Variants in TTC38 observed in about 807,000 individuals in gnomAD.
TTC38 encodes the protein tetratricopeptide repeat protein 38.
Under a neutral mutation model 64.2 loss-of-function variants are expected in TTC38, and 64 were observed. The ratio of observed to expected loss-of-function variants is 1.00; its 90% CI spans 0.81 to 1.23. The LOEUF (loss-of-function observed/expected upper bound fraction) is 1.23. Among genes scored for constraint, TTC38 ranks in the 50% most tolerant of loss-of-function variants. TTC38 has a pLI of 0.00. For synonymous variants in TTC38, 254 were observed against 249.3 expected (o/e 1.02, Z -0.18); for missense variants, 573 against 615.5 (o/e 0.93, Z 0.73).
chr22:46,284,011 G>A lies in TTC38; in HGVS notation c.774G>A (p.Trp258Ter), dbSNP rs2077554015. The change falls in exon 8 of 14, where the codon TGG becomes TGA. Residue 258 changes from tryptophan to a stop codon, truncating the protein, a stop_gained. Coordinates refer to ENST00000381031, the MANE Select transcript of TTC38 (RefSeq NM_017931.4). LOFTEE classifies it high-confidence loss of function. ...TGGCTTGTCATAACTATTGGCACTG[G>A]GCTTTATATCTGATTGAGAAGGTAA... ...DMLACHNYWH[W>*]ALYLIEKGEY... is the part of the protein sequence containing the mutation. The A allele has an allele frequency of 1.9e-6, 3 of 1,609,310 alleles. No homozygotes were observed. The highest frequency in any genetic ancestry group is 2.5e-6 in the Non-Finnish European group (3 of 1,179,212).
chr22:46,275,254 T>C lies in TTC38; in HGVS notation c.372T>C (p.Phe124=). The C allele has an allele frequency of 1.9e-6, 3 of 1,612,918 alleles. No homozygotes were observed. The highest frequency in any genetic ancestry group is 2.5e-6 in the Non-Finnish European group (3 of 1,179,686). ...AATCTTTCTCGGTTTCCAGGAACTT[T>C]CCGAAAGCCTGTGAACTATGGGAAC... ...SAVETFANGN[F]PKACELWEQI... The change falls in exon 5 of 14, where the codon TTT becomes TTC. Residue 124 remains phenylalanine (F), a synonymous_variant. Transcript: ENST00000381031. The surrounding 1 kb of genome is among the most constrained non-coding windows in gnomAD (Gnocchi z 4.5).
At position 46,292,840 on chromosome 22, in the gene TTC38, G is replaced by T; in HGVS notation, c.1366G>T (p.Glu456Ter). ...CTTGAAGCCCAACTCGCCCCTGACC[G>T]AGCGGCTCATCCGCAAGGCAGCTAC... ...DALKPNSPLT[E>*]RLIRKAATVH... Residue 456 changes from glutamate to a stop codon, truncating the protein, a stop_gained, in exon 14 of 14, where the codon GAG (glutamate) becomes TAG (stop). Coordinates refer to ENST00000381031, the MANE Select transcript of TTC38 (RefSeq NM_017931.4). LOFTEE classifies it high-confidence loss of function. The surrounding 1 kb of genome is among the most constrained non-coding windows in gnomAD (Gnocchi z 6.5). 6.2e-7 allele frequency: 1 copy of T among 1,613,988 alleles called. No individual in the cohort carries two copies.
At chr22:46,268,141 G>C in intron 1 of TTC38, 69 bp downstream of exon 1, 1 of 1,484,282 alleles carries the variant, frequency 6.7e-7, no homozygotes, top group Non-Finnish European at 9.0e-7. Context: ...CGGTGCTGGC[G>C]GAATAACGGG....
rs1171684860 is a variant in TTC38, at chr22:46,285,248, A to G, written c.803A>G (p.Tyr268Cys). 1 of 1,614,074 alleles carries G rather than the reference A, an allele frequency of 6.2e-7. No individual in the cohort carries two copies. The highest frequency in any genetic ancestry group is 8.5e-7 in the Non-Finnish European group (1 of 1,180,038). The change falls in exon 9 of 14, where the codon TAT becomes TGT. Residue 268 changes from tyrosine to cysteine, a missense_variant. Around this residue, in one of 3 missense-constraint regions of TTC38, gnomAD observed 371 missense variants for 381.8 expected, o/e 0.97. Coordinates refer to ENST00000381031, the MANE Select transcript of TTC38 (RefSeq NM_017931.4). Reference sequence around the variant, plus strand: ...AGAACTTTATTCTTCCAGGGCGAATATGAGGCCGCGCTGACCATCTACGAT... The same window carrying G: ...AGAACTTTATTCTTCCAGGGCGAATGTGAGGCCGCGCTGACCATCTACGAT... ...WALYLIEKGE[Y>C]EAALTIYDTH...
In TTC38 at chr22:46,289,447, GC is replaced by G. The variant is rs776998514; in HGVS notation, c.1129del (p.Leu377CysfsTer46). On this transcript the variant is annotated frameshift_variant, in exon 12 of 14. Coordinates refer to ENST00000381031, the MANE Select transcript of TTC38 (RefSeq NM_017931.4). LOFTEE classifies it high-confidence loss of function. ...CQHLLARDVG[L>X]PLCQALVEAE... is the part of the protein sequence containing the mutation. ...AGCACCTCCTGGCCCGAGACGTGGG[GC>G]TGCCCCTGTGCCAGGCCCTGGTGGA... is the stretch of plus-strand genomic sequence containing the variant. 1.9e-6 allele frequency: 3 copies of G among 1,609,480 alleles called. No individual in the cohort carries two copies. Among genetic ancestry groups the G allele is most frequent in the Non-Finnish European group, 2.5e-6 (3 of 1,179,760 alleles).
At position 46,292,345 on chromosome 22, in the gene TTC38, A is replaced by G. The variant is rs959842920; in HGVS notation, c.1317-446A>G. The stretch of plus-strand genomic sequence containing the variant: ...ATTACAGGGGTGAGCCACCACACCT[A>G]TCTCTTCTTATAAGGGCACTAATCC... On this transcript the variant is annotated intron_variant, in intron 13 of 13. Transcript: ENST00000381031. This position sits in a 1 kb window ranked among gnomAD's most constrained non-coding sequence, Gnocchi z 6.5. The G allele has an allele frequency of 2.3e-5, 8 of 340,810 alleles. No homozygotes were observed. Among genetic ancestry groups the G allele is most frequent in the African/African-American group, 1.5e-4 (7 of 46,524 alleles). 21.1% of individuals were successfully genotyped at this position (340,810 alleles called of 1,614,324 possible). A position where few individuals can be genotyped will look rare whatever the true frequency, so the allele number is the denominator to read the frequency against.
rs115703876 is a variant in TTC38, at chr22:46,291,553, C to A, written c.1317-1238C>A. ...TTCCACCCACAGCCATGGTGCCCCC[C>A]ACAATGAGTTCCCGGCCCCAGCCCC... On this transcript the variant is annotated intron_variant, in intron 13 of 13. Coordinates refer to ENST00000381031, the MANE Select transcript of TTC38 (RefSeq NM_017931.4). This position sits in a 1 kb window ranked among gnomAD's most constrained non-coding sequence, Gnocchi z 4.6. 0.012 allele frequency among the ~76,000 whole-genome samples: 1,788 copies of A among 152,316 alleles called. 42 individuals are homozygous for A. The highest frequency in any genetic ancestry group is 0.041 in the African/African-American group (1,694 of 41,558).
chr22:46,275,571 C>A lies in TTC38; in HGVS notation c.539+150C>A. On this transcript the variant is annotated intron_variant, in intron 5 of 13. Coordinates refer to ENST00000381031, the MANE Select transcript of TTC38 (RefSeq NM_017931.4). This position sits in a 1 kb window ranked among gnomAD's most constrained non-coding sequence, Gnocchi z 4.5. ...CCTTAAAGTTCAAAGGCCTCATTTT[C>A]TTCACTTGATTTTCATCCCACCTGT... is the stretch of plus-strand genomic sequence containing the variant. 1.3e-6 allele frequency: 1 copy of A among 741,178 alleles called. No individual in the cohort carries two copies. Among genetic ancestry groups the A allele is most frequent in the Non-Finnish European group, 2.1e-6 (1 of 466,700 alleles). The allele number at this position is 741,178 out of a possible 1,614,324, so 45.9% of individuals were successfully genotyped here.
intron 2 of TTC38, 125 bp downstream of exon 2, chr22:46,268,716 G>A (rs1049618634): frequency 2.4e-5 from 23 of 947,270 alleles, no homozygotes; most frequent in Non-Finnish European, 3.2e-5. Flanking sequence ...GCGGAGTCTC[G>A]CTCTGTCGCC....
intron 13 of TTC38, 96 bp downstream of exon 13, chr22:46,289,995 A>G: frequency 9.1e-7 from 1 of 1,097,770 alleles, no homozygotes; most frequent in East Asian, 2.4e-5. Context: ...TTGGCCCGAG[A>G]TGCTCCTGCT....
intron 8 of TTC38, 28 bp downstream of exon 8, chr22:46,284,060 T>C (rs1183951433): frequency 6.3e-7 from 1 of 1,582,224 alleles, no homozygotes; most frequent in South Asian, 1.1e-5. Flanking sequence ...TTGCACTGTC[T>C]TATCCTATAA....
At chr22:46,269,908 T>C (rs1936857277) in intron 2 of TTC38, among the ~76,000 whole-genome samples, 1 of 152,218 alleles carries the variant, frequency 6.6e-6, no homozygotes. Flanking sequence ...TTGCCCTGCC[T>C]CAGCCTCCGA....
intron 10 of TTC38, 56 bp from the exon 11 acceptor site, chr22:46,288,367 C>T (rs940999684): frequency 1.7e-4 from 257 of 1,550,676 alleles, no homozygotes; most frequent in Non-Finnish European, 2.1e-4. Flanking sequence ...GGCCCTTGCA[C>T]GGGACATGCC....
intron 2 of TTC38, chr22:46,269,092 C>T (rs535436938): frequency 7.2e-6 from 3 of 418,134 alleles, no homozygotes; most frequent in Non-Finnish European, 1.5e-5. Context: ...ATCTCTGCCC[C>T]CCCCCCACAG....
At chr22:46,280,373 T>C in intron 6 of TTC38, 1 of 348,322 alleles carries the variant, frequency 2.9e-6, no homozygotes, top group South Asian at 2.1e-5. Flanking sequence ...TGCTGGGCCT[T>C]GTAGCCTGGG....
At position 46,292,779 on chromosome 22, in the gene TTC38, C is replaced by A; in HGVS notation, c.1317-12C>A. On this transcript the variant is annotated splice_polypyrimidine_tract_variant and intron_variant, in intron 13 of 13. Transcript: ENST00000381031. This position sits in a 1 kb window ranked among gnomAD's most constrained non-coding sequence, Gnocchi z 6.5. ...AGGTTCTGTAACAGGACCTCTGTGT[C>A]TGTTTCCACAGGAGCCTTCTGATGG... is the stretch of plus-strand genomic sequence containing the variant. 6.2e-7 allele frequency: 1 copy of A among 1,611,602 alleles called. No individual in the cohort carries two copies. Among genetic ancestry groups the A allele is most frequent in the Non-Finnish European group, 8.5e-7 (1 of 1,177,826 alleles).
At chr22:46,289,337 G>C in intron 11 of TTC38, 65 bp from the exon 12 acceptor site, 2 of 1,561,870 alleles carry the variant, frequency 1.3e-6, no homozygotes, top group African/African-American at 1.3e-5. Flanking sequence ...AGGAAGAAAT[G>C]GCTCTGCCCT....
rs762109062 is a variant in TTC38, at chr22:46,272,360, G to A, written c.137G>A (p.Ser46Asn). The change falls in exon 3 of 14, where the codon AGT (serine) becomes AAT (asparagine). Residue 46 changes from serine to asparagine, a missense_variant. Coordinates refer to ENST00000381031, the MANE Select transcript of TTC38 (RefSeq NM_017931.4). The surrounding 1 kb of genome is among the most constrained non-coding windows in gnomAD (Gnocchi z 6.4). ...TQYVKWTNDK[S>N]LGGIEGCLSK... ...TATGTAAAATGGACCAATGACAAGA[G>A]TCTCGGTGGCATCGAGGGCTGCCTG... 1 of 1,613,978 alleles carries A rather than the reference G, an allele frequency of 6.2e-7. No homozygotes were observed. The highest frequency in any genetic ancestry group is 8.5e-7 in the Non-Finnish European group (1 of 1,179,954).
At chr22:46,280,623 C>T (rs888305708) in intron 6 of TTC38, among the ~76,000 whole-genome samples, 7 of 152,266 alleles carry the variant, frequency 4.6e-5, no homozygotes, top group Non-Finnish European at 1.0e-4. Context: ...GACACACTTT[C>T]TTTCCCTCTG....
Sources: allele counts gnomAD v4.1 joint callset (sites outside exome capture counted in the v4.1 genomes callset), GRCh38; gene constraint gnomAD v4.1.1; regional missense constraint gnomAD v4.1.1; non-coding constraint Gnocchi (gnomAD v3.1); transcripts MANE v1.5; gene names NCBI Gene and HGNC (gene_info 2026-07-23, HGNC 2026-07-21).